Variants in SIRT1 observed in about 807,000 individuals in gnomAD.
SIRT1 encodes NAD-dependent protein deacetylase sirtuin-1.
In SIRT1, 24 loss-of-function variants were observed where a neutral mutation model predicts 67.9. The ratio of observed to expected loss-of-function variants is 0.35; its 90% confidence interval spans 0.26 to 0.50. The LOEUF (loss-of-function observed/expected upper bound fraction) is 0.50. Among genes scored for constraint, SIRT1 ranks in the 20% least tolerant of loss-of-function variants. The probability of loss-of-function intolerance (pLI) is 0.98; values close to 1 mark genes in which losing one functional copy is unlikely to be tolerated. For missense variants in SIRT1, 873 were observed against 937.2 expected (o/e 0.93, Z 0.89); for synonymous variants, 378 against 350.7 (o/e 1.08, Z -0.87).
intron 1 of SIRT1, among the ~76,000 whole-genome samples, chr10:67,886,600 T>G (rs1282355316): frequency 6.6e-6 from 1 of 151,414 alleles, no homozygotes; most frequent in East Asian, 1.9e-4. Context: ...TAGGGACTGA[T>G]TTAGTAAAGA....
chr10:67,917,004 A>G lies in SIRT1; in HGVS notation c.*411A>G, dbSNP rs2029941450. 6.5e-6 allele frequency: 1 copy of G among 153,340 alleles called. No individual in the cohort carries two copies. Among genetic ancestry groups the G allele is most frequent in the Non-Finnish European group, 1.5e-5 (1 of 68,554 alleles). The allele number at this position is 153,340 out of a possible 1,614,324, so 9.5% of individuals were successfully genotyped here. A position where few individuals can be genotyped will look rare whatever the true frequency, so the allele number is the denominator to read the frequency against. ...AGGGAACAGCTAATCTAGACCAAAG[A>G]ATGGTATTTTCACTTTTCTTTGTAA... On this transcript the variant is annotated 3_prime_UTR_variant, in exon 9 of 9. Transcript: ENST00000212015.
In SIRT1 at chr10:67,887,359, C is replaced by T. The variant is rs956064887; in HGVS notation, c.431-58C>T. 6.6e-6 allele frequency: 7 copies of T among 1,060,246 alleles called. No individual in the cohort carries two copies. The South Asian group carries it at 7.7e-5, about 12-fold the overall frequency. 65.7% of individuals were successfully genotyped at this position (1,060,246 alleles called of 1,614,324 possible). ...TGAAAATGATTGCTCTATAACCGTT[C>T]ATACATTTTAGGTGCATGTTGTTTT... On this transcript the variant is annotated intron_variant, in intron 1 of 8. Coordinates refer to ENST00000212015, the MANE Select transcript of SIRT1 (RefSeq NM_012238.5).
chr10:67,909,204 C>T (rs1473274385), intron 6 of SIRT1, 52 bp from the exon 7 acceptor site: 9 of 1,254,802 alleles, frequency 7.2e-6, no homozygotes, highest in African/African-American at 1.5e-5. Context: ...CTATTTCTAA[C>T]TTGGGCTTAC....
At position 67,884,780 on chromosome 10, in the gene SIRT1, C is replaced by T; in HGVS notation, c.59C>T (p.Ala20Val). ...QPGGSPSAAG[A>V]DREAASSPAG... ...GGCGGCTCCCCCTCGGCGGCGGGGG[C>T]CGACAGGGAGGCCGCGTCGTCCCCC... is the stretch of plus-strand genomic sequence containing the variant. The change falls in exon 1 of 9, where the codon GCC becomes GTC. Residue 20 changes from alanine to valine, a missense_variant. Around this residue, in one of 3 missense-constraint regions of SIRT1, gnomAD observed 327 missense variants for 283.9 expected, o/e 1.15. Transcript: ENST00000212015. The T allele has an allele frequency of 9.7e-7, 1 of 1,029,206 alleles. No individual in the cohort carries two copies. Among genetic ancestry groups the T allele is most frequent in the Non-Finnish European group, 1.2e-6 (1 of 825,418 alleles). The allele number at this position is 1,029,206 out of a possible 1,614,324, so 63.8% of individuals were successfully genotyped here.
intron 3 of SIRT1, among the ~76,000 whole-genome samples, chr10:67,891,044 C>G (rs200086861): frequency 7.9e-6 from 1 of 126,086 alleles, no homozygotes; most frequent in Non-Finnish European, 1.7e-5. Flanking sequence ...AAAAAAAAAA[C>G]AAAAAAAAAA....
chr10:67,895,743 TTTTTG>T (rs1160486074), intron 4 of SIRT1, among the ~76,000 whole-genome samples: 19 of 89,134 alleles, frequency 2.1e-4, no homozygotes, highest in African/African-American at 7.9e-4. Context: ...GTTTTTTTTT[TTTTTG>T]TTTTTTTTTT....
chr10:67,909,376 G>T lies in SIRT1; in HGVS notation c.1291G>T (p.Asp431Tyr), dbSNP rs1842866396. Residue 431 changes from aspartate to tyrosine, a missense_variant, in exon 7 of 9, where the codon GAT (aspartate) becomes TAT (tyrosine). By Grantham distance (160) the Asp-to-Tyr change is radical. Coordinates refer to ENST00000212015, the MANE Select transcript of SIRT1 (RefSeq NM_012238.5). ...QFHRAMKYDK[D>Y]EVDLLIVIGS... ...TCATAGAGCCATGAAGTATGACAAAGATGAAGTTGACCTCCTCATTGTTAT... is the reference window on the plus strand; with the variant it reads ...TCATAGAGCCATGAAGTATGACAAATATGAAGTTGACCTCCTCATTGTTAT... 6.2e-7 allele frequency: 1 copy of T among 1,613,660 alleles called. No individual in the cohort carries two copies.
At chr10:67,902,687 T>C (rs1842761746) in intron 4 of SIRT1, among the ~76,000 whole-genome samples, 1 of 152,194 alleles carries the variant, frequency 6.6e-6, no homozygotes, top group South Asian at 2.1e-4. Flanking sequence ...TTCTATTTTC[T>C]CAGCAACTCT....
chr10:67,888,777 C>T, intron 2 of SIRT1, 105 bp from the exon 3 acceptor site: 2 of 1,316,136 alleles, frequency 1.5e-6, no homozygotes, highest in Non-Finnish European at 2.1e-6. Flanking sequence ...CATTTTCTTA[C>T]TTTGCAAAAA....
At chr10:67,895,399 G>A (rs1373383541) in intron 4 of SIRT1, among the ~76,000 whole-genome samples, 1 of 151,360 alleles carries the variant, frequency 6.6e-6, no homozygotes, top group African/African-American at 2.5e-5. Context: ...AATAAGTAAG[G>A]ACAAAGAGTG....
Position 67,884,902 on chromosome 10 carries a change from C to A in SIRT1, c.181C>A (p.Pro61Thr), listed in dbSNP as rs1842449476. The A allele has an allele frequency of 1.6e-6, 2 of 1,219,938 alleles. No individual in the cohort carries two copies. Among genetic ancestry groups the A allele is most frequent in the Non-Finnish European group, 2.0e-6 (2 of 980,304 alleles). 75.6% of individuals were successfully genotyped at this position (1,219,938 alleles called of 1,614,324 possible). ...TGGGGCGGCCCCAGAGCGTGAGGTGCCGGCGGCGGCCAGGGGCTGCCCGGG... is the reference window on the plus strand; with the variant it reads ...TGGGGCGGCCCCAGAGCGTGAGGTGACGGCGGCGGCCAGGGGCTGCCCGGG... Reference protein sequence around the residue: ...PGGAAPEREVPAAARGCPGAA... With the variant: ...PGGAAPEREVTAAARGCPGAA... Residue 61 changes from proline to threonine, a missense_variant, in exon 1 of 9, where the codon CCG becomes ACG. By Grantham distance (38) the Pro-to-Thr change is conservative. Around this residue, in one of 3 missense-constraint regions of SIRT1, gnomAD observed 327 missense variants for 283.9 expected, o/e 1.15. Transcript: ENST00000212015.
chr10:67,889,679 CAT>C lies in SIRT1; in HGVS notation c.789+557_789+558del, dbSNP rs1842538599. 5.3e-5 allele frequency among the ~76,000 whole-genome samples: 8 copies of C among 152,332 alleles called. No homozygotes were observed. In the South Asian group the frequency reaches 1.7e-3, roughly 32 times the overall value. ...TGTGTGTTTTATACAGAGTATATTA[CAT>C]GTTAGCAACCAGAGCAACTGCTGTA... On this transcript the variant is annotated intron_variant, in intron 3 of 8. Coordinates refer to ENST00000212015, the MANE Select transcript of SIRT1 (RefSeq NM_012238.5).
At chr10:67,891,305 C>T in intron 3 of SIRT1, 97 bp from the exon 4 acceptor site, 2 of 1,068,278 alleles carry the variant, frequency 1.9e-6, no homozygotes, top group East Asian at 5.0e-5. Flanking sequence ...CTAAAATTTT[C>T]TTTCTCAACT....
At position 67,885,087 on chromosome 10, in the gene SIRT1, C is replaced by CGAA. The variant is rs1471763924; in HGVS notation, c.369_371dup (p.Glu123dup). The CGAA allele has an allele frequency of 1.4e-6, 2 of 1,446,760 alleles. No homozygotes were observed. Among genetic ancestry groups the CGAA allele is most frequent in the East Asian group, 6.0e-5 (2 of 33,066 alleles). The allele number at this position is 1,446,760 out of a possible 1,614,324, so 89.6% of individuals were successfully genotyped here. ...CACCGCTGGCCGACAACTTGTACGA[C>CGAA]GAAGACGACGACGACGAGGGCGAGG... is the stretch of plus-strand genomic sequence containing the variant. On this transcript the variant is annotated inframe_insertion, in exon 1 of 9. Transcript: ENST00000212015.
Position 67,912,928 on chromosome 10 carries a change from T to TTC in SIRT1, c.1814_1815dup (p.Ser606LeufsTer16). ...AAAATCCGGATTTGAAGAATGTTGG[T>TTC]TCTAGTACTGGGGAGAAAAATGAAA... On this transcript the variant is annotated frameshift_variant, in exon 8 of 9. Transcript: ENST00000212015. LOFTEE classifies it high-confidence loss of function. 1 of 1,614,076 alleles carries TTC rather than the reference T, an allele frequency of 6.2e-7. No individual in the cohort carries two copies.
chr10:67,900,756 A>C (rs1188320924), intron 4 of SIRT1, among the ~76,000 whole-genome samples: 1 of 152,076 alleles, frequency 6.6e-6, no homozygotes, highest in Non-Finnish European at 1.5e-5. Flanking sequence ...TTCTGTTTTT[A>C]TTAGCGTGGA....
intron 4 of SIRT1, among the ~76,000 whole-genome samples, chr10:67,899,900 A>T (rs1050239605): frequency 6.6e-6 from 1 of 152,004 alleles, no homozygotes; most frequent in African/African-American, 2.4e-5. Context: ...CCTGGCAAAC[A>T]TGGTGAAACC....
intron 4 of SIRT1, among the ~76,000 whole-genome samples, chr10:67,898,129 G>A (rs1842687344): frequency 1.3e-5 from 2 of 150,630 alleles, no homozygotes; most frequent in African/African-American, 4.9e-5. Context: ...ATGTGGTGGC[G>A]CATGCTGTAA....
intron 1 of SIRT1, 169 bp downstream of exon 1, chr10:67,885,320 TG>T (rs1309506245): frequency 1.6e-6 from 2 of 1,238,766 alleles, no homozygotes; most frequent in Admixed American, 4.2e-5. Flanking sequence ...CGGTTCCTAC[TG>T]CGCGAGCTGC....
Sources: allele counts gnomAD v4.1 joint callset (sites outside exome capture counted in the v4.1 genomes callset), GRCh38; gene constraint gnomAD v4.1.1; regional missense constraint gnomAD v4.1.1; transcripts MANE v1.5; gene names NCBI Gene and HGNC (gene_info 2026-07-23, HGNC 2026-07-21).